TAFA1: variants seen among roughly 807,000 people sequenced by gnomAD.
TAFA1 encodes chemokine-like protein TAFA-1.
A neutral mutation model predicts 18.5 loss-of-function variants in TAFA1; 4 were observed. That is an observed-to-expected ratio of 0.22 (90% confidence interval 0.11 to 0.49). The LOEUF is 0.49. Among genes scored for constraint, TAFA1 ranks in the 20% least tolerant of loss-of-function variants. The pLI, the probability that TAFA1 is intolerant of heterozygous loss-of-function variation, is 0.98. For missense variants in TAFA1, 147 were observed against 169.0 expected (o/e 0.87, Z 0.72); for synonymous variants, 56 against 55.2 (o/e 1.01, Z -0.06).
rs193206258 is a variant in TAFA1, at chr3:68,456,649, A to G, written c.259+39229A>G. ...TTTTTCTCAAATCACATTGGAGTCT[A>G]TGGGTATGGCTTTCTTATAGCAATC... On this transcript the variant is annotated intron_variant, in intron 3 of 4. Coordinates refer to ENST00000478136, the MANE Select transcript of TAFA1 (RefSeq NM_213609.4). Among the ~76,000 whole-genome samples, 13 of 152,320 alleles carry G rather than the reference A, an allele frequency of 8.5e-5. No individual in the cohort carries two copies. The East Asian group carries it at 2.5e-3, about 29-fold the overall frequency.
chr3:68,243,098 G>T (rs2067022415), intron 2 of TAFA1, among the ~76,000 whole-genome samples: 1 of 151,700 alleles, frequency 6.6e-6, no homozygotes, highest in African/African-American at 2.4e-5. Flanking sequence ...TCGAGACAAG[G>T]TCTTGTTCTG....
chr3:68,176,207 T>A (rs7617241), intron 2 of TAFA1, among the ~76,000 whole-genome samples: 3 of 152,152 alleles, frequency 2.0e-5, no homozygotes, highest in Non-Finnish European at 4.4e-5. Context: ...ACAGGCAGGA[T>A]GCCATGGCTC....
chr3:68,054,058 T>G (rs375873659), intron 2 of TAFA1, among the ~76,000 whole-genome samples: 72 of 152,292 alleles, frequency 4.7e-4, no homozygotes, highest in African/African-American at 1.5e-3. Context: ...TCACAAGTTT[T>G]CTGGACTCCC....
At chr3:68,044,632 T>C (rs1172649475) in intron 2 of TAFA1, among the ~76,000 whole-genome samples, 3 of 152,220 alleles carry the variant, frequency 2.0e-5, no homozygotes, top group African/African-American at 4.8e-5. Context: ...CATTGATATA[T>C]TGACATTGAT....
At position 68,133,905 on chromosome 3, in the gene TAFA1, C is replaced by T. The variant is rs181178610; in HGVS notation, c.118+127161C>T. Among the ~76,000 whole-genome samples, 145 of 151,830 alleles carry T rather than the reference C, an allele frequency of 9.6e-4. 1 individual carries two copies. The highest frequency in any genetic ancestry group is 6.8e-3 in the Middle Eastern group (2 of 294). On this transcript the variant is annotated intron_variant, in intron 2 of 4. Coordinates refer to ENST00000478136, the MANE Select transcript of TAFA1 (RefSeq NM_213609.4). Reference sequence around the variant, plus strand: ...AAAAGGGTAGTTCTAAATAAAGATACAATTAATTGGACAGAGAGTTAAAGA... The same window carrying T: ...AAAAGGGTAGTTCTAAATAAAGATATAATTAATTGGACAGAGAGTTAAAGA...
At chr3:68,506,420 G>T (rs976969762) in intron 3 of TAFA1, among the ~76,000 whole-genome samples, 4 of 151,814 alleles carry the variant, frequency 2.6e-5, no homozygotes, top group Non-Finnish European at 5.9e-5. Context: ...ATGACCCAAG[G>T]ACATAAATCA....
intron 2 of TAFA1, among the ~76,000 whole-genome samples, chr3:68,232,789 A>G (rs1348798646): frequency 6.6e-6 from 1 of 152,082 alleles, no homozygotes; most frequent in Non-Finnish European, 1.5e-5. Flanking sequence ...ATATTTGTAG[A>G]GATGAGGTCT....
At chr3:68,449,689 A>C (rs372357652) in intron 3 of TAFA1, among the ~76,000 whole-genome samples, 2 of 152,308 alleles carry the variant, frequency 1.3e-5, no homozygotes, top group South Asian at 4.1e-4. Context: ...TGGGCTCTTC[A>C]GGTGGCTATA....
intron 2 of TAFA1, among the ~76,000 whole-genome samples, chr3:68,383,868 C>G (rs1412503079): frequency 6.6e-6 from 1 of 152,056 alleles, no homozygotes; most frequent in East Asian, 1.9e-4. Flanking sequence ...CATTATTGGT[C>G]TATTCAGGGA....
At chr3:68,025,995 G>A (rs1704806347) in intron 2 of TAFA1, among the ~76,000 whole-genome samples, 2 of 151,500 alleles carry the variant, frequency 1.3e-5, no homozygotes, top group African/African-American at 4.9e-5. Context: ...TATGTCAGAG[G>A]GCAAAAAGAA....
At chr3:68,289,005 A>G (rs1298217474) in intron 2 of TAFA1, among the ~76,000 whole-genome samples, 1 of 152,208 alleles carries the variant, frequency 6.6e-6, no homozygotes, top group Non-Finnish European at 1.5e-5. Flanking sequence ...ATTTGGGTAC[A>G]TACATTTTTG....
intron 3 of TAFA1, among the ~76,000 whole-genome samples, chr3:68,491,045 C>T (rs1284625790): frequency 6.6e-6 from 1 of 151,900 alleles, no homozygotes; most frequent in Admixed American, 6.6e-5. Context: ...TATCCTCTTG[C>T]CCAGGCTGGT....
At chr3:68,441,358 G>T (rs2071376693) in intron 3 of TAFA1, among the ~76,000 whole-genome samples, 1 of 152,114 alleles carries the variant, frequency 6.6e-6, no homozygotes, top group Non-Finnish European at 1.5e-5. Flanking sequence ...CCTCTGGCAA[G>T]CCCCCATAGG....
At chr3:68,213,795 G>T (rs1489620622) in intron 2 of TAFA1, among the ~76,000 whole-genome samples, 1 of 152,068 alleles carries the variant, frequency 6.6e-6, no homozygotes, top group African/African-American at 2.4e-5. Context: ...ACCCAGCTTA[G>T]AACTTCTTAC....
At chr3:68,185,708 C>G (rs2066261417) in intron 2 of TAFA1, among the ~76,000 whole-genome samples, 3 of 151,722 alleles carry the variant, frequency 2.0e-5, no homozygotes, top group African/African-American at 7.3e-5. Context: ...TCAGGAGTTC[C>G]AGACCAGCCT....
intron 2 of TAFA1, among the ~76,000 whole-genome samples, chr3:68,274,626 C>A (rs1291677210): frequency 1.3e-5 from 2 of 152,128 alleles, no homozygotes; most frequent in Non-Finnish European, 2.9e-5. Flanking sequence ...ACTTTGGAGC[C>A]TAGATAGTTA....
intron 2 of TAFA1, among the ~76,000 whole-genome samples, chr3:68,033,671 GA>G (rs142379372): frequency 2.6e-5 from 4 of 152,098 alleles, no homozygotes; most frequent in Non-Finnish European, 5.9e-5. Flanking sequence ...TGGATGGAAT[GA>G]AAAAAATTAG....
Position 68,401,816 on chromosome 3 carries a change from A to G in TAFA1, c.119-15464A>G, listed in dbSNP as rs567423617. Among the ~76,000 whole-genome samples, 4 of 152,242 alleles carry G rather than the reference A, an allele frequency of 2.6e-5. 1 individual carries two copies. Among genetic ancestry groups the G allele is most frequent in the Admixed American group, 6.5e-5 (1 of 15,274 alleles). ...GTGAAATCAGCACCTCCCAAACTCCATGAACTGAAAATGGGGAAGAGAGGC... is the reference window on the plus strand; with the variant it reads ...GTGAAATCAGCACCTCCCAAACTCCGTGAACTGAAAATGGGGAAGAGAGGC... On this transcript the variant is annotated intron_variant, in intron 2 of 4. Transcript: ENST00000478136.
intron 2 of TAFA1, among the ~76,000 whole-genome samples, chr3:68,262,307 GTATATA>G (rs763753757): frequency 0.034 from 1,073 of 31,674 alleles, 39 homozygotes; most frequent in Non-Finnish European, 0.042. Context: ...GATATGGAGG[GTATATA>G]TATATATATA....
Sources: gnomAD v4.1 joint callset for allele counts (sites outside exome capture counted in the v4.1 genomes callset) on GRCh38, gnomAD v4.1.1 for gene constraint, MANE v1.5 for transcripts, NCBI Gene and HGNC (gene_info 2026-07-23, HGNC 2026-07-21) for gene names.